ABCB4: variants seen among roughly 807,000 people sequenced by gnomAD.
The protein encoded by ABCB4 is ATP binding cassette subfamily B member 4, also known as phosphatidylcholine translocator ABCB4.
In ABCB4, 76 loss-of-function variants were observed where a neutral mutation model predicts 145.7. The observed-to-expected ratio is 0.52, with a 90% CI of 0.43 to 0.63. ABCB4 has a LOEUF of 0.63. Among genes scored for constraint, ABCB4 ranks in the 30% least tolerant of loss-of-function variants. The pLI, the probability that ABCB4 is intolerant of heterozygous loss-of-function variation, is 0.00. For missense variants in ABCB4, 1,234 were observed against 1,553.1 expected (o/e 0.79, Z 3.45); for synonymous variants, 517 against 566.8 (o/e 0.91, Z 1.25).
Position 87,443,997 on chromosome 7 carries a change from C to A in ABCB4, c.1120-224G>T, listed in dbSNP as rs577357699. 2.2e-3 allele frequency among the ~76,000 whole-genome samples: 331 copies of A among 152,122 alleles called. 4 individuals are homozygous for A. Among genetic ancestry groups the A allele is most frequent in the Admixed American group, 5.0e-3 (76 of 15,262 alleles). ...TCCTGAAAAGTACGTAAGAGATATT[C>A]ATCTCATTTCATATAATATTTCCCT... On this transcript the variant is annotated intron_variant, in intron 10 of 27. Coordinates refer to ENST00000649586, the MANE Select transcript of ABCB4 (RefSeq NM_000443.4).
downstream of ABCB4, among the ~76,000 whole-genome samples, chr7:87,397,879 A>G (rs111569341): frequency 6.6e-5 from 10 of 152,298 alleles, 1 homozygote; most frequent in African/African-American, 1.9e-4. Flanking sequence ...AGCCTAATTC[A>G]TATTTCGCTA....
the ABCB4 span, chr7:87,375,554 A>G: frequency 1.0e-6 from 1 of 957,430 alleles, no homozygotes; most frequent in Non-Finnish European, 1.7e-6. Context: ...ATATTGATCA[A>G]TGTTATGACC....
At chr7:87,451,580 G>T (rs1205324877) in intron 7 of ABCB4, 43 bp downstream of exon 7, 1 of 1,610,084 alleles carries the variant, frequency 6.2e-7, no homozygotes, top group Non-Finnish European at 8.5e-7. Context: ...AGATTACTGT[G>T]TGCAGGGGTT....
intron 6 of ABCB4, chr7:87,452,378 CTTTT>C (rs528084596): frequency 0.059 from 8,009 of 134,682 alleles, 252 homozygotes; most frequent in South Asian, 0.1. Flanking sequence ...TTGCTTTTCC[CTTTT>C]TTTTTTTTTT....
Position 87,403,264 on chromosome 7 carries a change from C to T in ABCB4, c.3504G>A (p.Val1168=), listed in dbSNP as rs1807938184. The part of the protein sequence containing the change: ...ETLPHKYETR[V]GDKGTQLSGG... The stretch of plus-strand genomic sequence containing the variant: ...CTGAGAGCTGAGTCCCCTTATCTCC[C>T]ACTCTTGTTTCATATTTCTGCAAGT... The change falls in exon 27 of 28, where the codon GTG becomes GTA. Residue 1168 remains valine, a synonymous_variant. Transcript: ENST00000649586. The T allele has an allele frequency of 2.5e-6, 4 of 1,613,920 alleles. No individual in the cohort carries two copies. The highest frequency in any genetic ancestry group is 3.4e-6 in the Non-Finnish European group (4 of 1,179,824).
At chr7:87,391,552 C>A in the ABCB4 span, 1 of 1,569,662 alleles carries the variant, frequency 6.4e-7, no homozygotes, top group Non-Finnish European at 8.6e-7. Flanking sequence ...AGAGCATTTT[C>A]TTTCTTATGA....
At chr7:87,456,345 G>A (rs1812099150) in intron 4 of ABCB4, among the ~76,000 whole-genome samples, 1 of 152,158 alleles carries the variant, frequency 6.6e-6, no homozygotes. Context: ...CAGTGTTGGA[G>A]GTGGGGCCTG....
At chr7:87,402,377 A>G (rs1010811327) in intron 27 of ABCB4, 75 bp from the exon 28 acceptor site, 16 of 1,539,666 alleles carry the variant, frequency 1.0e-5, no homozygotes, top group African/African-American at 1.4e-5. Flanking sequence ...AAATTTGAAA[A>G]TGTTACCTTT....
In ABCB4 at chr7:87,418,555, A is replaced by G. The variant is rs1274627160; in HGVS notation, c.2460T>C (p.Asp820=). Residue 820 remains aspartate, a synonymous_variant, in exon 20 of 28, where the codon GAT becomes GAC. Coordinates refer to ENST00000649586, the MANE Select transcript of ABCB4 (RefSeq NM_000443.4). The part of the protein sequence containing the change: ...TGALSTRLAT[D]AAQVQGATGT... ...TACCTACTCCTTGGACTTGGGCAGC[A>G]TCTGTGGCAAGTCTTGTAGAAAGTG... is the stretch of plus-strand genomic sequence containing the variant. 3.7e-6 allele frequency: 6 copies of G among 1,614,174 alleles called. No individual in the cohort carries two copies. Among genetic ancestry groups the G allele is most frequent in the Non-Finnish European group, 5.1e-6 (6 of 1,179,998 alleles).
the ABCB4 span, chr7:87,382,181 G>A: frequency 6.3e-7 from 1 of 1,593,556 alleles, no homozygotes; most frequent in Non-Finnish European, 8.6e-7. Flanking sequence ...ATCTCAGGGA[G>A]GTATATTTTT....
At chr7:87,391,801 A>T in the ABCB4 span, 1 of 1,303,016 alleles carries the variant, frequency 7.7e-7, no homozygotes, top group East Asian at 2.6e-5. Flanking sequence ...TCTTTGCTTC[A>T]GTTTTCCTGG....
chr7:87,458,727 AG>A (rs1465414326), intron 4 of ABCB4, among the ~76,000 whole-genome samples: 1 of 152,220 alleles, frequency 6.6e-6, no homozygotes, highest in East Asian at 1.9e-4. Context: ...ATAACATTTG[AG>A]GAACTTTCCA....
the ABCB4 span, chr7:87,382,628 G>T: frequency 1.4e-6 from 2 of 1,393,674 alleles, no homozygotes; most frequent in East Asian, 2.3e-5. Flanking sequence ...TAACTCCTCA[G>T]TATTTTTGCT....
At chr7:87,448,713 T>C (rs1488553793) in intron 8 of ABCB4, 1 of 152,198 alleles carries the variant, frequency 6.6e-6, no homozygotes, top group African/African-American at 2.4e-5. Context: ...TGGACTATTA[T>C]GTACAGGAAG....
intron 8 of ABCB4, among the ~76,000 whole-genome samples, chr7:87,449,568 G>C (rs1228664132): frequency 1.3e-5 from 2 of 150,930 alleles, no homozygotes; most frequent in Middle Eastern, 3.2e-3. Context: ...TGAGTAGCTG[G>C]GACCACAGGT....
In ABCB4 at chr7:87,402,030, T is replaced by C. The variant is rs1427848485; in HGVS notation, c.*66A>G. The C allele has an allele frequency of 1.9e-6, 3 of 1,585,466 alleles. No homozygotes were observed. The highest frequency in any genetic ancestry group is 2.6e-6 in the Non-Finnish European group (3 of 1,160,488). On this transcript the variant is annotated 3_prime_UTR_variant, in exon 28 of 28. Coordinates refer to ENST00000649586, the MANE Select transcript of ABCB4 (RefSeq NM_000443.4). ...TTTATGATGACAAACCAGAAACTTA[T>C]TTTACAAGTCAGATAAAATGGTAGA...
rs551938387 is a variant in ABCB4, at chr7:87,450,249, G to A, written c.709-157C>T. The stretch of plus-strand genomic sequence containing the variant: ...CCAGTGTTCTGGATCCAATGGCTGC[G>A]TCCACATCCCTCAAAGGCTATATCT... On this transcript the variant is annotated intron_variant, in intron 7 of 27. Coordinates refer to ENST00000649586, the MANE Select transcript of ABCB4 (RefSeq NM_000443.4). 8.5e-5 allele frequency among the ~76,000 whole-genome samples: 13 copies of A among 152,128 alleles called. No individual in the cohort carries two copies. The East Asian group carries it at 1.9e-3, about 23-fold the overall frequency.
chr7:87,450,096 G>A lies in ABCB4; in HGVS notation c.709-4C>T. The A allele has an allele frequency of 6.2e-7, 1 of 1,613,832 alleles. No homozygotes were observed. The highest frequency in any genetic ancestry group is 8.5e-7 in the Non-Finnish European group (1 of 1,179,940). On this transcript the variant is annotated splice_region_variant and splice_polypyrimidine_tract_variant and intron_variant, in intron 7 of 27. Transcript: ENST00000649586. ...TGTCACTAAATGCCGAGAGTATCTGGACAGAAAAGAAACAGTGATCACTTT... is the reference window on the plus strand; with the variant it reads ...TGTCACTAAATGCCGAGAGTATCTGAACAGAAAAGAAACAGTGATCACTTT...
At chr7:87,473,483 A>G (rs1014452113) in intron 2 of ABCB4, among the ~76,000 whole-genome samples, 3 of 152,028 alleles carry the variant, frequency 2.0e-5, no homozygotes, top group Non-Finnish European at 4.4e-5. Flanking sequence ...AGATACCCAC[A>G]CAGCTGTCTC....
Sources: gnomAD v4.1 joint callset for allele counts (sites outside exome capture counted in the v4.1 genomes callset) on GRCh38, gnomAD v4.1.1 for gene constraint, MANE v1.5 for transcripts, NCBI Gene and HGNC (gene_info 2026-07-23, HGNC 2026-07-21) for gene names.